The following ZNF677 variants were observed in gnomAD, a reference collection of about 807,000 sequenced individuals.
ZNF677 encodes the protein hypothetical protein MGC48625.
Under a neutral mutation model 8.1 loss-of-function variants are expected in ZNF677, and 5 were observed. That is an observed-to-expected ratio of 0.62 (90% CI 0.32 to 1.29). The LOEUF is 1.29. Ranked by LOEUF, ZNF677 falls within the 50% of genes most tolerant of loss-of-function variation. The pLI is 0.05. For synonymous variants in ZNF677, 221 were observed against 225.6 expected (o/e 0.98, Z 0.18); for missense variants, 685 against 685.9 (o/e 1.00, Z 0.01).
In ZNF677 at chr19:53,241,841, G is replaced by C; in HGVS notation, c.169+1903C>G. The C allele has an allele frequency of 7.5e-6, 3 of 398,606 alleles. No individual in the cohort carries two copies. The East Asian group carries it at 1.1e-4, about 14-fold the overall frequency. The allele number at this position is 398,606 out of a possible 1,614,324, so 24.7% of individuals were successfully genotyped here. ...CACCAAGGAAACCTCTTCCATGGGAGAGTCCACCAAAAGTTGTCCATCGCC... is the reference window on the plus strand; with the variant it reads ...CACCAAGGAAACCTCTTCCATGGGACAGTCCACCAAAAGTTGTCCATCGCC... On this transcript the variant is annotated intron_variant, in intron 4 of 4. Coordinates refer to ENST00000598513, the MANE Select transcript of ZNF677 (RefSeq NM_182609.4).
Position 53,253,344 on chromosome 19 carries a change from C to T in ZNF677, c.-126-188G>A, listed in dbSNP as rs369897261. On this transcript the variant is annotated intron_variant, in intron 1 of 4. Coordinates refer to ENST00000598513, the MANE Select transcript of ZNF677 (RefSeq NM_182609.4). The stretch of plus-strand genomic sequence containing the variant: ...ATTATCAACACCTTAGAGTGAAACA[C>T]TGTGAAATCAAGTACCAGACATAAA... Among the ~76,000 whole-genome samples, 10 of 152,326 alleles carry T rather than the reference C, an allele frequency of 6.6e-5. No individual in the cohort carries two copies. The East Asian group carries it at 1.9e-3, about 29-fold the overall frequency.
chr19:53,252,477 C>T (rs2091250390), intron 2 of ZNF677, among the ~76,000 whole-genome samples: 1 of 152,172 alleles, frequency 6.6e-6, no homozygotes. Context: ...AGGGCAGTAG[C>T]AAAGGTTTGT....
At chr19:53,244,553 T>C (rs1434021112) in intron 3 of ZNF677, among the ~76,000 whole-genome samples, 3 of 152,196 alleles carry the variant, frequency 2.0e-5, no homozygotes, top group African/African-American at 7.2e-5. Flanking sequence ...AATAGGTAAG[T>C]GACTTGCATG....
At chr19:53,241,532 T>C (rs1030934918) in intron 4 of ZNF677, 2 of 301,324 alleles carry the variant, frequency 6.6e-6, no homozygotes, top group Admixed American at 5.1e-5. Flanking sequence ...GGTTGAGAAC[T>C]TGGAGAATGC....
chr19:53,251,662 CCA>C (rs141315010), intron 2 of ZNF677, 57 bp from the exon 3 acceptor site: 378 of 1,236,534 alleles, frequency 3.1e-4, no homozygotes, highest in Non-Finnish European at 3.4e-4. Flanking sequence ...CCTGCCTCTA[CCA>C]CACACACACA....
At chr19:53,254,587 G>GT (rs1396134698) in intron 1 of ZNF677, 1 of 152,152 alleles carries the variant, frequency 6.6e-6, no homozygotes, top group Admixed American at 6.6e-5. Context: ...GGCGGTCGGT[G>GT]TCCACACTGA....
intron 3 of ZNF677, among the ~76,000 whole-genome samples, chr19:53,250,216 T>C (rs989194502): frequency 6.6e-6 from 1 of 152,144 alleles, no homozygotes; most frequent in African/African-American, 2.4e-5. Flanking sequence ...CAGATGCTGG[T>C]GAGGTTGTGG....
At chr19:53,250,321 G>C (rs910678837) in intron 3 of ZNF677, among the ~76,000 whole-genome samples, 2 of 152,172 alleles carry the variant, frequency 1.3e-5, no homozygotes, top group African/African-American at 4.8e-5. Flanking sequence ...TCGAAAAACA[G>C]AATTACCATT....
chr19:53,238,203 T>C lies in ZNF677; in HGVS notation c.524A>G (p.Asn175Ser), dbSNP rs751990402. 2 of 1,613,958 alleles carry C rather than the reference T, an allele frequency of 1.2e-6. No homozygotes were observed. Among genetic ancestry groups the C allele is most frequent in the Admixed American group, 3.3e-5 (2 of 60,018 alleles). The change falls in exon 5 of 5, where the codon AAC becomes AGC. Residue 175 changes from asparagine to serine, a missense_variant. Physicochemically the swap from Asn to Ser is conservative, Grantham distance 46. Coordinates refer to ENST00000598513, the MANE Select transcript of ZNF677 (RefSeq NM_182609.4). Reference sequence around the variant, plus strand: ...GTATTTGTTTCCGGCATACCTTATGTTATTTTTCAGTTTTAACAAATTCCT... The same window carrying C: ...GTATTTGTTTCCGGCATACCTTATGCTATTTTTCAGTTTTAACAAATTCCT... ...FIRNLLKLKN[N>S]IRYAGNKYVK...
chr19:53,244,510 C>G (rs562906493), intron 3 of ZNF677, among the ~76,000 whole-genome samples: 1 of 152,308 alleles, frequency 6.6e-6, no homozygotes, highest in East Asian at 1.9e-4. Flanking sequence ...CAGTCACTCC[C>G]CATGTGACTT....
In ZNF677 at chr19:53,251,641, T is replaced by G. The variant is rs1260234614; in HGVS notation, c.-55-36A>C. 4 of 1,494,450 alleles carry G rather than the reference T, an allele frequency of 2.7e-6. No individual in the cohort carries two copies. In the African/African-American group the frequency reaches 5.5e-5, roughly 21 times the overall value. 92.6% of individuals were successfully genotyped at this position (1,494,450 alleles called of 1,614,324 possible). ...AAAATATGTTGTTTAATGCTTAAAA[T>G]CAACACACCCCCTGCCTCTACCACA... is the stretch of plus-strand genomic sequence containing the variant. On this transcript the variant is annotated intron_variant, in intron 2 of 4. Transcript: ENST00000598513.
Position 53,237,445 on chromosome 19 carries a change from C to A in ZNF677, c.1282G>T (p.Glu428Ter), listed in dbSNP as rs1203264070. Reference protein sequence around the residue: ...LTRHQNIHPGEKPHKCNVCGR... With the variant: ...LTRHQNIHPG ...CACACATTACATTTGTGTGGTTTCT[C>A]TCCAGGATGTATATTCTGATGCCTA... Residue 428 changes from glutamate to a stop codon, truncating the protein, a stop_gained, in exon 5 of 5, where the codon GAG becomes TAG. Transcript: ENST00000598513. LOFTEE classifies it low-confidence loss of function (END_TRUNC). 2 of 1,613,900 alleles carry A rather than the reference C, an allele frequency of 1.2e-6. No individual in the cohort carries two copies. The highest frequency in any genetic ancestry group is 4.5e-5 in the East Asian group (2 of 44,840).
intron 2 of ZNF677, among the ~76,000 whole-genome samples, chr19:53,252,001 T>C (rs1044372387): frequency 1.3e-5 from 2 of 152,198 alleles, no homozygotes; most frequent in African/African-American, 2.4e-5. Context: ...GCTGTAGCCA[T>C]ACTAAGTAGT....
intron 3 of ZNF677, among the ~76,000 whole-genome samples, chr19:53,246,704 T>C (rs951251176): frequency 1.1e-4 from 17 of 151,940 alleles, no homozygotes; most frequent in African/African-American, 2.9e-4. Flanking sequence ...AAACAGAGAA[T>C]AGAATGGTGG....
At chr19:53,253,956 A>G (rs2091275126) in intron 1 of ZNF677, among the ~76,000 whole-genome samples, 1 of 152,206 alleles carries the variant, frequency 6.6e-6, no homozygotes, top group Admixed American at 6.5e-5. Context: ...CCTCAAGATC[A>G]GAGAAAGGGA....
At position 53,236,171 on chromosome 19, in the gene ZNF677, T is replaced by C. The variant is rs2090971285; in HGVS notation, c.*801A>G. On this transcript the variant is annotated 3_prime_UTR_variant, in exon 5 of 5. Transcript: ENST00000598513. ...GTGAGCTGAGATGGTGCCACTGCAC[T>C]CCAGCCTGGGTGACAGAGCAAGACT... 6.6e-6 allele frequency: 1 copy of C among 152,238 alleles called. No individual in the cohort carries two copies. The highest frequency in any genetic ancestry group is 2.4e-5 in the African/African-American group (1 of 41,434). 9.4% of individuals were successfully genotyped at this position (152,238 alleles called of 1,614,324 possible). A position where few individuals can be genotyped will look rare whatever the true frequency, so the allele number is the denominator to read the frequency against.
chr19:53,245,075 C>T (rs1472096118), intron 3 of ZNF677, among the ~76,000 whole-genome samples: 2 of 152,116 alleles, frequency 1.3e-5, no homozygotes, highest in African/African-American at 2.4e-5. Context: ...GGATGCTTAT[C>T]TTATGCCACA....
chr19:53,244,604 C>A (rs1266176151), intron 3 of ZNF677, among the ~76,000 whole-genome samples: 2 of 151,992 alleles, frequency 1.3e-5, no homozygotes, highest in Non-Finnish European at 2.9e-5. Flanking sequence ...TTAAAGCAGA[C>A]AAAACAAATA....
intron 1 of ZNF677, among the ~76,000 whole-genome samples, chr19:53,253,650 G>T (rs1009822405): frequency 6.6e-6 from 1 of 152,118 alleles, no homozygotes; most frequent in African/African-American, 2.4e-5. Context: ...TCAAGCCACT[G>T]CACTCCAGCC....
Sources: gnomAD v4.1 joint callset for allele counts (sites outside exome capture counted in the v4.1 genomes callset) on GRCh38, gnomAD v4.1.1 for gene constraint, MANE v1.5 for transcripts, NCBI Gene and HGNC (gene_info 2026-07-23, HGNC 2026-07-21) for gene names.